ABL1: variants seen among roughly 807,000 people sequenced by gnomAD.
ABL1 encodes the protein tyrosine-protein kinase ABL1.
ABL1 carries 11 observed loss-of-function variants against 94.7 expected under a neutral mutation model. The observed-to-expected ratio is 0.12, with a 90% confidence interval of 0.07 to 0.19. The LOEUF (loss-of-function observed/expected upper bound fraction) is 0.19. Ranked by LOEUF, ABL1 falls within the 10% of genes least tolerant of loss-of-function variation. The pLI is 1.00. For missense variants in ABL1, 1,082 were observed against 1,489.4 expected (o/e 0.73, Z 4.50); for synonymous variants, 656 against 622.4 (o/e 1.05, Z -0.80).
chr9:130,731,160 C>T lies in ABL1; in HGVS notation c.136+16705C>T, dbSNP rs1229131421. On this transcript the variant is annotated intron_variant, in intron 1 of 10. Transcript: ENST00000372348. Reference sequence around the variant, plus strand: ...TAGCTGGGATTACAGGCGCCCACCACCATGCCCAGCTAGTTTTTGTGTTTT... The same window carrying T: ...TAGCTGGGATTACAGGCGCCCACCATCATGCCCAGCTAGTTTTTGTGTTTT... Among the ~76,000 whole-genome samples the T allele has an allele frequency of 2.0e-5, 3 of 151,646 alleles. No homozygotes were observed. The East Asian group carries it at 5.8e-4, about 29-fold the overall frequency.
At chr9:130,881,876 G>T (rs1831460561) in intron 10 of ABL1, among the ~76,000 whole-genome samples, 1 of 133,272 alleles carries the variant, frequency 7.5e-6, no homozygotes, top group Non-Finnish European at 1.5e-5. Flanking sequence ...ACTCTCATTA[G>T]TAAAAAAAAA....
intron 1 of ABL1, among the ~76,000 whole-genome samples, chr9:130,851,766 CTTTT>C (rs149948786): frequency 1.6e-5 from 2 of 122,788 alleles, no homozygotes; most frequent in Admixed American, 8.4e-5. Context: ...CTCTCTTTTT[CTTTT>C]TTTTTTTTTT....
exon 1 of ABL1, among the ~76,000 whole-genome samples, chr9:130,713,441 C>A (rs897189568): frequency 1.3e-5 from 2 of 149,416 alleles, no homozygotes; most frequent in African/African-American, 4.9e-5. Context: ...AAGAGCGTCG[C>A]CCCGGAGTAA....
Position 130,885,102 on chromosome 9 carries a change from G to T in ABL1, c.2812G>T (p.Val938Phe), listed in dbSNP as rs772762636. 1 of 1,611,680 alleles carries T rather than the reference G, an allele frequency of 6.2e-7. No homozygotes were observed. The highest frequency in any genetic ancestry group is 8.5e-7 in the Non-Finnish European group (1 of 1,179,158). ...CGCAAAGACAAAAGCCACGAGTCTG[G>T]TTGATGCTGTGAACAGTGACGCTGC... ...LGAKTKATSL[V>F]DAVNSDAAKP... The change falls in exon 11 of 11, where the codon GTT becomes TTT. Residue 938 changes from valine to phenylalanine, a missense_variant. Val to Phe is a conservative substitution (Grantham distance 50). Around this residue, in one of 7 missense-constraint regions of ABL1, gnomAD observed 780 missense variants for 835.8 expected, o/e 0.93. Coordinates refer to ENST00000318560, the MANE Select transcript of ABL1 (RefSeq NM_005157.6).
intron 4 of ABL1, among the ~76,000 whole-genome samples, chr9:130,870,431 G>A (rs1160568157): frequency 6.6e-6 from 1 of 152,196 alleles, no homozygotes; most frequent in Non-Finnish European, 1.5e-5. Flanking sequence ...AACCCCACTT[G>A]CTTCGAAAGC....
At chr9:130,733,766 A>G (rs1217135854) in intron 1 of ABL1, among the ~76,000 whole-genome samples, 2 of 151,162 alleles carry the variant, frequency 1.3e-5, no homozygotes, top group Non-Finnish European at 2.9e-5. Context: ...AACTTTTTGT[A>G]TTTTTAGTAG....
At chr9:130,733,323 C>T (rs1380160324) in intron 1 of ABL1, among the ~76,000 whole-genome samples, 1 of 152,128 alleles carries the variant, frequency 6.6e-6, no homozygotes, top group East Asian at 1.9e-4. Flanking sequence ...ATAGATTCAG[C>T]ATGTTTGTAC....
At chr9:130,787,098 CT>C (rs1829837138) in intron 1 of ABL1, among the ~76,000 whole-genome samples, 1 of 152,196 alleles carries the variant, frequency 6.6e-6, no homozygotes, top group African/African-American at 2.4e-5. Flanking sequence ...CTTCAGCTTT[CT>C]TTTGATCACG....
intron 1 of ABL1, among the ~76,000 whole-genome samples, chr9:130,826,941 G>A (rs1365163136): frequency 6.6e-6 from 1 of 152,190 alleles, no homozygotes; most frequent in African/African-American, 2.4e-5. Context: ...AGCCGGGCGT[G>A]GTGGCGGGCG....
chr9:130,783,991 T>TG (rs1829792757), intron 1 of ABL1, among the ~76,000 whole-genome samples: 1 of 152,046 alleles, frequency 6.6e-6, no homozygotes. Context: ...GTCCACAAGG[T>TG]AAGGAAATTC....
At chr9:130,726,163 AT>A (rs930249123) in intron 1 of ABL1, among the ~76,000 whole-genome samples, 4 of 149,360 alleles carry the variant, frequency 2.7e-5, no homozygotes, top group Non-Finnish European at 5.9e-5. Context: ...ATATTTTAAT[AT>A]TTTTTTTAAA....
chr9:130,759,258 G>C (rs2791741), intron 1 of ABL1, among the ~76,000 whole-genome samples: 2 of 151,938 alleles, frequency 1.3e-5, no homozygotes, highest in African/African-American at 4.8e-5. Flanking sequence ...AAGAGGATCA[G>C]CTTCTGTGAT....
At chr9:130,728,138 A>G (rs1287869465) in intron 1 of ABL1, among the ~76,000 whole-genome samples, 1 of 149,466 alleles carries the variant, frequency 6.7e-6, no homozygotes, top group Non-Finnish European at 1.5e-5. Flanking sequence ...ATCATAGCTC[A>G]CTGCAACCTC....
chr9:130,818,312 A>G (rs1476590701), intron 1 of ABL1, among the ~76,000 whole-genome samples: 1 of 152,170 alleles, frequency 6.6e-6, no homozygotes, highest in Non-Finnish European at 1.5e-5. Context: ...TCTACTAAAA[A>G]TATAAAAATT....
intron 4 of ABL1, among the ~76,000 whole-genome samples, chr9:130,864,142 A>G (rs568507743): frequency 6.4e-4 from 97 of 152,304 alleles, no homozygotes; most frequent in African/African-American, 2.2e-3. Context: ...TGGCTTCCTG[A>G]TGCTCTTATT....
intron 1 of ABL1, among the ~76,000 whole-genome samples, chr9:130,853,232 G>C (rs759467740): frequency 8.4e-6 from 1 of 119,424 alleles, no homozygotes; most frequent in Non-Finnish European, 1.6e-5. Flanking sequence ...CTGGAGTACA[G>C]TGGCACGATC....
chr9:130,777,843 CACT>C, intron 1 of ABL1, among the ~76,000 whole-genome samples: 1 of 46,416 alleles, frequency 2.2e-5, no homozygotes, highest in African/African-American at 1.1e-4. Flanking sequence ...TGTGTTGGGA[CACT>C]GACTCACTGC....
At chr9:130,796,007 C>G (rs1472848630) in intron 1 of ABL1, among the ~76,000 whole-genome samples, 2 of 151,786 alleles carry the variant, frequency 1.3e-5, no homozygotes, top group Admixed American at 6.6e-5. Context: ...AACCCTGTCT[C>G]TACCAAAAAT....
At chr9:130,758,844 T>C (rs773956080) in intron 1 of ABL1, among the ~76,000 whole-genome samples, 13 of 152,206 alleles carry the variant, frequency 8.5e-5, no homozygotes, top group Non-Finnish European at 1.6e-4. Context: ...CATTGCAGTT[T>C]TCGGTGCATC....
Sources: gnomAD v4.1 joint callset for allele counts (sites outside exome capture counted in the v4.1 genomes callset) on GRCh38, gnomAD v4.1.1 for gene constraint, gnomAD v4.1.1 regional missense constraint, MANE v1.5 for transcripts, NCBI Gene and HGNC (gene_info 2026-07-23, HGNC 2026-07-21) for gene names.